The following BRIP1 variants were observed in gnomAD, a reference collection of about 807,000 sequenced individuals.
The protein encoded by BRIP1 is BRCA1 interacting DNA helicase 1.
In BRIP1, 88 loss-of-function variants were observed where a neutral mutation model predicts 119.7. The observed-to-expected ratio is 0.74, with a 90% CI of 0.62 to 0.88. The LOEUF (loss-of-function observed/expected upper bound fraction) is 0.88, where lower values mean the gene tolerates loss of function less well. BRIP1 is among the 40% of genes least tolerant of loss of function. BRIP1 has a pLI of 0.00. For synonymous variants in BRIP1, 443 were observed against 496.5 expected (o/e 0.89, Z 1.43); for missense variants, 1,259 against 1,455.4 (o/e 0.87, Z 2.20).
At chr17:61,784,847 T>G (rs6504069) in intron 10 of BRIP1, among the ~76,000 whole-genome samples, 119,795 of 151,740 alleles carry the variant, frequency 0.79, 47,884 homozygotes, top group African/African-American at 0.89. Context: ...GTCCTCAAAA[T>G]TAGATGCTGG....
At position 61,799,083 on chromosome 17, in the gene BRIP1, T is replaced by C. The variant is rs1450290454; in HGVS notation, c.1340+17A>G. The C allele has an allele frequency of 3.1e-6, 5 of 1,600,858 alleles. No individual in the cohort carries two copies. Among genetic ancestry groups the C allele is most frequent in the Admixed American group, 3.3e-5 (2 of 59,916 alleles). On this transcript the variant is annotated intron_variant, in intron 9 of 19. Coordinates refer to ENST00000259008, the MANE Select transcript of BRIP1 (RefSeq NM_032043.3). The surrounding 1 kb of genome is among the most constrained non-coding windows in gnomAD (Gnocchi z 5.1). ...TATAAAGGCAGCACAAATACACTAA[T>C]AGACAAATCTTCTTACTTAATGAGG...
Position 61,751,800 on chromosome 17 carries a change from G to A in BRIP1, c.2098-7209C>T, listed in dbSNP as rs1423342618. 1.3e-5 allele frequency among the ~76,000 whole-genome samples: 2 copies of A among 151,644 alleles called. No homozygotes were observed. Among genetic ancestry groups the A allele is most frequent in the African/African-American group, 2.4e-5 (1 of 41,260 alleles). ...ATTTTTTTTTTTGAGACAGAGTCTC[G>A]CTCTGTCACCCAGGCTGGAGTACAG... On this transcript the variant is annotated intron_variant, in intron 14 of 19. Transcript: ENST00000259008. This position sits in a 1 kb window ranked among gnomAD's most constrained non-coding sequence, Gnocchi z 6.7.
rs2061326120 is a variant in BRIP1 at position 61,684,110 on chromosome 17, T to C, written c.2936A>G (p.Lys979Arg). 6.2e-7 allele frequency: 1 copy of C among 1,613,698 alleles called. No homozygotes were observed. Among genetic ancestry groups the C allele is most frequent in the African/African-American group, 1.3e-5 (1 of 75,014 alleles). ...TCTGGAAATCACAATTTTTTCTGCT[T>C]TCCCTGCTTCTTCCAGGAATACTGG... Reference protein sequence around the residue: ...NDPVFLEEAGKAEKIVISRST... With the variant: ...NDPVFLEEAGRAEKIVISRST... The change falls in exon 20 of 20, where the codon AAA becomes AGA. Residue 979 changes from lysine (K) to arginine (R), a missense_variant. By Grantham distance (26) the Lys-to-Arg change is conservative. This residue lies in a region of BRIP1 where 753 missense variants were observed against 891.8 expected (regional missense o/e 0.84). Coordinates refer to ENST00000259008, the MANE Select transcript of BRIP1 (RefSeq NM_032043.3). This position sits in a 1 kb window ranked among gnomAD's most constrained non-coding sequence, Gnocchi z 4.5.
In BRIP1 at chr17:61,756,794, A is replaced by C. The variant is rs900822704; in HGVS notation, c.2098-12203T>G. On this transcript the variant is annotated intron_variant, in intron 14 of 19. Transcript: ENST00000259008. The surrounding 1 kb of genome is among the most constrained non-coding windows in gnomAD (Gnocchi z 4.3). Reference sequence around the variant, plus strand: ...ACTTTAGAAAGTGCAAATTGCATTAAGACCTCTTTGCCCTCATTAGTGGTA... The same window carrying C: ...ACTTTAGAAAGTGCAAATTGCATTACGACCTCTTTGCCCTCATTAGTGGTA... 1.3e-5 allele frequency among the ~76,000 whole-genome samples: 2 copies of C among 152,208 alleles called. No individual in the cohort carries two copies. Among genetic ancestry groups the C allele is most frequent in the African/African-American group, 4.8e-5 (2 of 41,450 alleles).
In BRIP1 at chr17:61,815,254, A is replaced by G. The variant is rs1236193879; in HGVS notation, c.628-6497T>C. On this transcript the variant is annotated intron_variant, in intron 6 of 19. Coordinates refer to ENST00000259008, the MANE Select transcript of BRIP1 (RefSeq NM_032043.3). This position sits in a 1 kb window ranked among gnomAD's most constrained non-coding sequence, Gnocchi z 4.1. Reference sequence around the variant, plus strand: ...AATTTATTAGGAAATGGGTTCTCAAATTAGGGTCCATGGGCTATTACAGAT... The same window carrying G: ...AATTTATTAGGAAATGGGTTCTCAAGTTAGGGTCCATGGGCTATTACAGAT... 1.3e-5 allele frequency among the ~76,000 whole-genome samples: 2 copies of G among 152,102 alleles called. No individual in the cohort carries two copies. Among genetic ancestry groups the G allele is most frequent in the African/African-American group, 2.4e-5 (1 of 41,440 alleles).
At position 61,754,598 on chromosome 17, in the gene BRIP1, A is replaced by G. The variant is rs570341085; in HGVS notation, c.2098-10007T>C. Among the ~76,000 whole-genome samples the G allele has an allele frequency of 5.0e-4, 76 of 152,336 alleles. 1 individual carries two copies. The highest frequency in any genetic ancestry group is 1.8e-3 in the African/African-American group (75 of 41,572). Reference sequence around the variant, plus strand: ...TATCAGACTGAATGGCTTAAACAAAAGAAATTTATTTCTTACAGTTATTAG... The same window carrying G: ...TATCAGACTGAATGGCTTAAACAAAGGAAATTTATTTCTTACAGTTATTAG... On this transcript the variant is annotated intron_variant, in intron 14 of 19. Transcript: ENST00000259008. The surrounding 1 kb of genome is among the most constrained non-coding windows in gnomAD (Gnocchi z 4.1).
rs1260954436 is a variant in BRIP1, at chr17:61,776,803, A to G, written c.1936-241T>C. ...ATTCTTTGAAAGCAAAACAGGTTGT[A>G]CCTGTCTCTGTTTACTTAATAGCTT... On this transcript the variant is annotated intron_variant, in intron 13 of 19. Transcript: ENST00000259008. This position sits in a 1 kb window ranked among gnomAD's most constrained non-coding sequence, Gnocchi z 5.0. Among the ~76,000 whole-genome samples, 1 of 152,234 alleles carries G rather than the reference A, an allele frequency of 6.6e-6. No individual in the cohort carries two copies. The highest frequency in any genetic ancestry group is 1.5e-5 in the Non-Finnish European group (1 of 68,032).
In BRIP1 at chr17:61,685,935, C is replaced by T. The variant is rs754280048; in HGVS notation, c.2806G>A (p.Glu936Lys). ...TGGACACATATCTTTGCTTCATCTTCCACAAAATTTTCTGGTGATAGATGA... is the reference window on the plus strand; with the variant it reads ...TGGACACATATCTTTGCTTCATCTTTCACAAAATTTTCTGGTGATAGATGA... The part of the protein sequence containing the change: ...ASHLSPENFV[E>K]DEAKICVQEL... The change falls in exon 19 of 20, where the codon GAA becomes AAA. Residue 936 changes from glutamate (E) to lysine (K), a missense_variant. Transcript: ENST00000259008. The T allele has an allele frequency of 5.0e-6, 8 of 1,613,972 alleles. No homozygotes were observed. Among genetic ancestry groups the T allele is most frequent in the Non-Finnish European group, 3.4e-6 (4 of 1,179,900 alleles).
chr17:61,781,571 A>C (rs2145104367), intron 11 of BRIP1, among the ~76,000 whole-genome samples: 1 of 152,290 alleles, frequency 6.6e-6, no homozygotes, highest in African/African-American at 2.4e-5. Context: ...GATATCTGTG[A>C]TCCCATCCAG....
At chr17:61,811,753 A>G (rs1364868144) in intron 6 of BRIP1, among the ~76,000 whole-genome samples, 3 of 151,572 alleles carry the variant, frequency 2.0e-5, no homozygotes, top group Middle Eastern at 3.4e-3. Context: ...GGAGTTCAAG[A>G]CTAGCCTGGC....
chr17:61,839,731 A>G (rs1188864790), intron 6 of BRIP1, among the ~76,000 whole-genome samples: 1 of 152,214 alleles, frequency 6.6e-6, no homozygotes, highest in Non-Finnish European at 1.5e-5. Flanking sequence ...TGTTATGAGT[A>G]ATAAATCACC....
rs55963888 is a variant in BRIP1 at position 61,697,336 on chromosome 17, C to CAAAAAAAAA, written c.2493-3833_2493-3825dup. On this transcript the variant is annotated intron_variant, in intron 17 of 19. Coordinates refer to ENST00000259008, the MANE Select transcript of BRIP1 (RefSeq NM_032043.3). ...CAGGCAACAGTGTGAGACTCTGTCT[C>CAAAAAAAAA]AAAAAAAAAAAAAAAAAAAAAAAAA... is the stretch of plus-strand genomic sequence containing the variant. 1.5e-4 allele frequency among the ~76,000 whole-genome samples: 9 copies of CAAAAAAAAA among 59,170 alleles called. 1 individual carries two copies. The highest frequency in any genetic ancestry group is 2.1e-4 in the African/African-American group (3 of 14,378). The allele number at this position is 59,170 out of a possible 152,430, so 38.8% of individuals were successfully genotyped here. A position where few individuals can be genotyped will look rare whatever the true frequency, so the allele number is the denominator to read the frequency against.
At chr17:61,728,673 C>G (rs2144545756) in intron 16 of BRIP1, among the ~76,000 whole-genome samples, 1 of 152,218 alleles carries the variant, frequency 6.6e-6, no homozygotes, top group African/African-American at 2.4e-5. Context: ...ATCTGAGACC[C>G]AGGAAACTGG....
rs574552037 is a variant in BRIP1, at chr17:61,716,043, G to C, written c.2400C>G (p.Tyr800Ter). 41 of 1,601,590 alleles carry C rather than the reference G, an allele frequency of 2.6e-5. No individual in the cohort carries two copies. Among genetic ancestry groups the C allele is most frequent in the Non-Finnish European group, 3.5e-5 (41 of 1,173,228 alleles). The stretch of plus-strand genomic sequence containing the variant: ...CTCTCAATTTTGAATGGTGGTCATT[G>C]TATTGTCGTTTTAGTTCAACCTAAT... ...KDLQVELKRQ[Y>*]NDHHSKLRGL... The change falls in exon 17 of 20, where the codon TAC becomes TAG. Residue 800 changes from tyrosine to a stop codon, truncating the protein, a stop_gained. Coordinates refer to ENST00000259008, the MANE Select transcript of BRIP1 (RefSeq NM_032043.3). LOFTEE classifies it high-confidence loss of function.
Position 61,842,664 on chromosome 17 carries a change from G to A in BRIP1, c.627+4437C>T, listed in dbSNP as rs1460394327. Among the ~76,000 whole-genome samples, 1 of 152,060 alleles carries A rather than the reference G, an allele frequency of 6.6e-6. No homozygotes were observed. The highest frequency in any genetic ancestry group is 1.5e-5 in the Non-Finnish European group (1 of 68,028). ...CGGTATTATATAGAATCTTTTATCA[G>A]CAGCAGCTAAAGGTAAGAACTACAA... On this transcript the variant is annotated intron_variant, in intron 6 of 19. Coordinates refer to ENST00000259008, the MANE Select transcript of BRIP1 (RefSeq NM_032043.3). The surrounding 1 kb of genome is among the most constrained non-coding windows in gnomAD (Gnocchi z 5.1).
Position 61,744,821 on chromosome 17 carries a change from C to T in BRIP1, c.2098-230G>A, listed in dbSNP as rs985148139. Among the ~76,000 whole-genome samples, 3 of 150,884 alleles carry T rather than the reference C, an allele frequency of 2.0e-5. No individual in the cohort carries two copies. The highest frequency in any genetic ancestry group is 3.0e-5 in the Non-Finnish European group (2 of 67,336). ...GCACAGTTAGCTGCTGCTGCTGCTA[C>T]TACTACTATTATCTTGGCAATTTCT... On this transcript the variant is annotated intron_variant, in intron 14 of 19. Coordinates refer to ENST00000259008, the MANE Select transcript of BRIP1 (RefSeq NM_032043.3). The surrounding 1 kb of genome is among the most constrained non-coding windows in gnomAD (Gnocchi z 5.0).
In BRIP1 at chr17:61,695,217, A is replaced by G. The variant is rs1019780315; in HGVS notation, c.2493-1705T>C. Among the ~76,000 whole-genome samples, 1 of 152,108 alleles carries G rather than the reference A, an allele frequency of 6.6e-6. No homozygotes were observed. The highest frequency in any genetic ancestry group is 1.5e-5 in the Non-Finnish European group (1 of 67,956). On this transcript the variant is annotated intron_variant, in intron 17 of 19. Transcript: ENST00000259008. This position sits in a 1 kb window ranked among gnomAD's most constrained non-coding sequence, Gnocchi z 4.3. ...AATTTCATTATTTGCACAGATATCC[A>G]GTTGTCCCAACACCATCTGTTGAAA...
chr17:61,688,383 A>C (rs2061391636), intron 18 of BRIP1, among the ~76,000 whole-genome samples: 1 of 152,084 alleles, frequency 6.6e-6, no homozygotes, highest in Non-Finnish European at 1.5e-5. Context: ...TGGGAGACTG[A>C]GGTGGGAGAA....
rs1207586712 is a variant in BRIP1, at chr17:61,684,811, T to G, written c.2906-671A>C. 6.6e-6 allele frequency: 1 copy of G among 152,156 alleles called. No homozygotes were observed. The allele number at this position is 152,156 out of a possible 1,614,324, so 9.4% of individuals were successfully genotyped here. A position where few individuals can be genotyped will look rare whatever the true frequency, so the allele number is the denominator to read the frequency against. ...TTTTGTTGCCCAGGCTGGAGTGCAA[T>G]GGCGCAATCCTGGCTCACTGCAACC... On this transcript the variant is annotated intron_variant, in intron 19 of 19. Transcript: ENST00000259008. This position sits in a 1 kb window ranked among gnomAD's most constrained non-coding sequence, Gnocchi z 4.5.
Sources: gnomAD v4.1 joint callset for allele counts (sites outside exome capture counted in the v4.1 genomes callset) on GRCh38, gnomAD v4.1.1 for gene constraint, gnomAD v4.1.1 regional missense constraint, Gnocchi (gnomAD v3.1) non-coding constraint, MANE v1.5 for transcripts, NCBI Gene and HGNC (gene_info 2026-07-23, HGNC 2026-07-21) for gene names.